SDK2: variants seen among roughly 807,000 people sequenced by gnomAD.
SDK2 encodes the protein sidekick cell adhesion molecule 2, also known as protein sidekick-2.
SDK2 carries 105 observed loss-of-function variants against 253.9 expected under a neutral mutation model. That is an observed-to-expected ratio of 0.41 (90% confidence interval 0.35 to 0.49). The LOEUF is 0.49. Among genes scored for constraint, SDK2 ranks in the 20% least tolerant of loss-of-function variants. The pLI is 0.06. For synonymous variants in SDK2, 1,249 were observed against 1,234.9 expected, an observed-to-expected ratio of 1.01 and a Z score of -0.24; for missense variants, 2,608 against 3,003.0, an observed-to-expected ratio of 0.87 and a Z score of 3.07.
chr17:73,565,376 G>T (rs1389206236), intron 1 of SDK2, among the ~76,000 whole-genome samples: 2 of 152,216 alleles, frequency 1.3e-5, no homozygotes, highest in Non-Finnish European at 2.9e-5. Context: ...TGGAGTTTGA[G>T]TGCAGGGAAG....
At chr17:73,590,172 T>G (rs1360897317) in intron 1 of SDK2, among the ~76,000 whole-genome samples, 1 of 152,166 alleles carries the variant, frequency 6.6e-6, no homozygotes, top group Non-Finnish European at 1.5e-5. Context: ...AAGAAGACAT[T>G]TAGCAAGACG....
chr17:73,587,244 C>T (rs1013859611), intron 1 of SDK2, among the ~76,000 whole-genome samples: 1 of 152,198 alleles, frequency 6.6e-6, no homozygotes, highest in Non-Finnish European at 1.5e-5. Context: ...AGCTCAGCTG[C>T]CCCCTCCTTC....
At chr17:73,568,510 A>T (rs2045338465) in intron 1 of SDK2, among the ~76,000 whole-genome samples, 1 of 152,222 alleles carries the variant, frequency 6.6e-6, no homozygotes, top group Non-Finnish European at 1.5e-5. Flanking sequence ...TTAACAGCAG[A>T]TTGATGAGAA....
chr17:73,509,083 G>A (rs987638188), intron 1 of SDK2, among the ~76,000 whole-genome samples: 2 of 152,180 alleles, frequency 1.3e-5, no homozygotes, highest in African/African-American at 4.8e-5. Context: ...CTGCTGTCAG[G>A]GTAGGCCCTG....
chr17:73,437,751 A>G lies in SDK2; in HGVS notation c.988T>C (p.Cys330Arg). ...AEMEKVVDIP[C>R]QAKGVPPPSI... Reference sequence around the variant, plus strand: ...GCCACCTCATTACCTTTGGCCTGACAGGGGATGTCCACCACCTTCTCCATC... The same window carrying G: ...GCCACCTCATTACCTTTGGCCTGACGGGGGATGTCCACCACCTTCTCCATC... The change falls in exon 8 of 45, where the codon TGT (cysteine) becomes CGT (arginine). Residue 330 changes from cysteine to arginine, a missense_variant. Coordinates refer to ENST00000392650, the MANE Select transcript of SDK2 (RefSeq NM_001144952.2). 1 of 1,613,920 alleles carries G rather than the reference A, an allele frequency of 6.2e-7. No individual in the cohort carries two copies. Among genetic ancestry groups the G allele is most frequent in the Non-Finnish European group, 8.5e-7 (1 of 1,179,800 alleles).
intron 44 of SDK2, among the ~76,000 whole-genome samples, chr17:73,345,083 C>T (rs1231391838): frequency 6.6e-6 from 1 of 152,170 alleles, no homozygotes; most frequent in Non-Finnish European, 1.5e-5. Context: ...CTTTGGGAGG[C>T]CGAGGTGGGC....
rs375655308 is a variant in SDK2 at position 73,537,148 on chromosome 17, G to A, written c.65-29551C>T. ...GGGCGCGCATCATGTGTGACTGGGCGCTCAGTTAATACTCAGCCGCAGATA... is the reference window on the plus strand; with the variant it reads ...GGGCGCGCATCATGTGTGACTGGGCACTCAGTTAATACTCAGCCGCAGATA... On this transcript the variant is annotated intron_variant, in intron 1 of 44. Coordinates refer to ENST00000392650, the MANE Select transcript of SDK2 (RefSeq NM_001144952.2). Among the ~76,000 whole-genome samples, 6 of 152,296 alleles carry A rather than the reference G, an allele frequency of 3.9e-5. No individual in the cohort carries two copies. In the East Asian group the frequency reaches 7.7e-4, roughly 20 times the overall value.
At chr17:73,606,561 G>A (rs568197179) in intron 1 of SDK2, among the ~76,000 whole-genome samples, 8 of 152,290 alleles carry the variant, frequency 5.3e-5, no homozygotes, top group Admixed American at 2.0e-4. Flanking sequence ...GGGTTTCACC[G>A]TTTCTACTCC....
intron 1 of SDK2, among the ~76,000 whole-genome samples, chr17:73,606,692 G>A (rs1418166779): frequency 6.6e-6 from 1 of 151,932 alleles, no homozygotes; most frequent in Non-Finnish European, 1.5e-5. Context: ...GGAAAGTCAC[G>A]ATCGACTCTA....
rs183982343 is a variant in SDK2, at chr17:73,587,680, C to T, written c.64+56345G>A. On this transcript the variant is annotated intron_variant, in intron 1 of 44. Transcript: ENST00000392650. ...CTCTTCCAGCCCCGGGGGACAATCA[C>T]CTTCCTATCTGAGACCCAGCGCTCT... Among the ~76,000 whole-genome samples, 37 of 152,316 alleles carry T rather than the reference C, an allele frequency of 2.4e-4. No homozygotes were observed. In the East Asian group the frequency reaches 2.9e-3, roughly 12 times the overall value.
intron 1 of SDK2, among the ~76,000 whole-genome samples, chr17:73,593,303 CTG>C: frequency 6.6e-6 from 1 of 152,284 alleles, no homozygotes; most frequent in South Asian, 2.1e-4. Context: ...TGCTGGGCTA[CTG>C]TGAGGCCCAA....
chr17:73,525,710 C>T (rs1168006180), intron 1 of SDK2, among the ~76,000 whole-genome samples: 2 of 152,132 alleles, frequency 1.3e-5, no homozygotes, highest in Non-Finnish European at 2.9e-5. Flanking sequence ...GTAATTCCCT[C>T]CCTTTTGCAC....
rs146300951 is a variant in SDK2, at chr17:73,592,960, G to A, written c.64+51065C>T. Among the ~76,000 whole-genome samples the A allele has an allele frequency of 5.1e-3, 774 of 151,566 alleles. 8 individuals carry two copies. The highest frequency in any genetic ancestry group is 0.017 in the African/African-American group (708 of 41,208). On this transcript the variant is annotated intron_variant, in intron 1 of 44. Transcript: ENST00000392650. The stretch of plus-strand genomic sequence containing the variant: ...CAGCGCATGGGGGTGTCCGTAGCTC[G>A]CCGGTGTCACAGGATCACCCCAGAG...
At chr17:73,576,521 C>T (rs75920523) in intron 1 of SDK2, among the ~76,000 whole-genome samples, 2,706 of 152,254 alleles carry the variant, frequency 0.018, 84 homozygotes, top group African/African-American at 0.055. Flanking sequence ...GCAGGCTTGC[C>T]GGACACAGGT....
At position 73,431,756 on chromosome 17, in the gene SDK2, C is replaced by A; in HGVS notation, c.1313-87G>T. 7.5e-7 allele frequency: 1 copy of A among 1,325,066 alleles called. No individual in the cohort carries two copies. The highest frequency in any genetic ancestry group is 2.6e-5 in the East Asian group (1 of 38,506). The allele number at this position is 1,325,066 out of a possible 1,614,324, so 82.1% of individuals were successfully genotyped here. On this transcript the variant is annotated intron_variant, in intron 10 of 44. Transcript: ENST00000392650. The surrounding 1 kb of genome is among the most constrained non-coding windows in gnomAD (Gnocchi z 5.6). ...TGGCCGCTCCAGGGCAGCATGGTCC[C>A]CCCACAGGCCCCTGGCTCTGGAAAT...
rs190357222 is a variant in SDK2, at chr17:73,466,663, A to T, written c.331+5449T>A. ...TGTCCTGGGAGCCCACAGAAGAAAG[A>T]CATTTACACAATGGCACAGCAGGAT... is the stretch of plus-strand genomic sequence containing the variant. On this transcript the variant is annotated intron_variant, in intron 3 of 44. Coordinates refer to ENST00000392650, the MANE Select transcript of SDK2 (RefSeq NM_001144952.2). Among the ~76,000 whole-genome samples the T allele has an allele frequency of 2.6e-3, 387 of 149,252 alleles. 1 individual carries two copies. The highest frequency in any genetic ancestry group is 4.0e-3 in the Non-Finnish European group (273 of 67,734).
intron 4 of SDK2, among the ~76,000 whole-genome samples, chr17:73,450,760 T>C (rs2063485264): frequency 6.6e-6 from 1 of 152,330 alleles, no homozygotes; most frequent in East Asian, 1.9e-4. Context: ...CAACTTTTGG[T>C]TGCCAGCTCG....
chr17:73,466,725 C>CG (rs1024126401), intron 3 of SDK2, among the ~76,000 whole-genome samples: 1 of 145,522 alleles, frequency 6.9e-6, no homozygotes. Flanking sequence ...GCCCCCCCCC[C>CG]CCGGCTTAGG....
At chr17:73,347,844 G>T (rs2062498390) in intron 44 of SDK2, among the ~76,000 whole-genome samples, 1 of 152,180 alleles carries the variant, frequency 6.6e-6, no homozygotes, top group Non-Finnish European at 1.5e-5. Context: ...CTGAAGCTCT[G>T]TGTCTTCCAG....
Sources: allele counts gnomAD v4.1 joint callset (sites outside exome capture counted in the v4.1 genomes callset), GRCh38; gene constraint gnomAD v4.1.1; non-coding constraint Gnocchi (gnomAD v3.1); transcripts MANE v1.5; gene names NCBI Gene and HGNC (gene_info 2026-07-23, HGNC 2026-07-21).